Variants in RGS5 observed in about 807,000 individuals in gnomAD.
RGS5 encodes regulator of G-protein signalling 5.
Under a neutral mutation model 18.9 loss-of-function variants are expected in RGS5, and 20 were observed. The observed-to-expected ratio is 1.06, with a 90% CI of 0.74 to 1.54. The LOEUF (loss-of-function observed/expected upper bound fraction) is 1.54, where lower values mean the gene tolerates loss of function less well. Among genes scored for constraint, RGS5 ranks in the 40% most tolerant of loss-of-function variants. The pLI is 0.00. For synonymous variants in RGS5, 57 were observed against 76.2 expected, an observed-to-expected ratio of 0.75 and a Z score of 1.31; for missense variants, 201 against 211.8, an observed-to-expected ratio of 0.95 and a Z score of 0.32.
intron 1 of RGS5, among the ~76,000 whole-genome samples, chr1:163,195,910 G>A (rs570671439): frequency 1.1e-4 from 16 of 152,194 alleles, no homozygotes; most frequent in African/African-American, 3.9e-4. Context: ...AGTTCAGAGA[G>A]GTTTGGTGAC....
intron 2 of RGS5, chr1:163,248,432 A>G (rs1353227099): frequency 6.6e-6 from 1 of 152,202 alleles, no homozygotes; most frequent in Non-Finnish European, 1.5e-5. Flanking sequence ...ATCCTCTTAT[A>G]AGCCTAAGGG....
chr1:163,261,187 T>C (rs1571325623), intron 2 of RGS5, among the ~76,000 whole-genome samples: 1 of 152,228 alleles, frequency 6.6e-6, no homozygotes, highest in South Asian at 2.1e-4. Context: ...CTAAGATTAG[T>C]TGGGGAGCTT....
intron 1 of RGS5, among the ~76,000 whole-genome samples, chr1:163,184,430 T>C (rs886770573): frequency 6.8e-6 from 1 of 147,362 alleles, no homozygotes; most frequent in Non-Finnish European, 1.5e-5. Flanking sequence ...AAGAACAATG[T>C]CTGTTAAATG....
intron 2 of RGS5, among the ~76,000 whole-genome samples, chr1:163,231,754 T>TAAAA (rs59080668): frequency 0.21 from 28,329 of 132,876 alleles, 3,125 homozygotes; most frequent in African/African-American, 0.3. Flanking sequence ...GTGGTAAAAT[T>TAAAA]AAAAAAAAAA....
chr1:163,150,910 T>C (rs1657346124), intron 4 of RGS5, among the ~76,000 whole-genome samples: 1 of 151,540 alleles, frequency 6.6e-6, no homozygotes, highest in African/African-American at 2.4e-5. Flanking sequence ...TATTTGGGAG[T>C]TTTTCTCTCT....
chr1:163,248,093 T>C (rs1158328404), intron 2 of RGS5, among the ~76,000 whole-genome samples: 3 of 152,194 alleles, frequency 2.0e-5, no homozygotes, highest in African/African-American at 4.8e-5. Flanking sequence ...TCACCCTTAT[T>C]ACCACCCTTA....
At chr1:163,151,833 T>C (rs1168697145) in intron 4 of RGS5, among the ~76,000 whole-genome samples, 2 of 152,128 alleles carry the variant, frequency 1.3e-5, no homozygotes, top group African/African-American at 2.4e-5. Flanking sequence ...ACATCACTTA[T>C]CTGGAATGCT....
intron 2 of RGS5, chr1:163,238,872 G>A (rs1272415541): frequency 3.0e-5 from 5 of 167,782 alleles, no homozygotes; most frequent in African/African-American, 1.2e-4. Context: ...TGGATTTGAG[G>A]TCGAAGACTG....
intron 1 of RGS5, chr1:163,211,072 G>T (rs1302929313): frequency 6.6e-6 from 1 of 152,190 alleles, no homozygotes; most frequent in Non-Finnish European, 1.5e-5. Flanking sequence ...TTTGATTCAG[G>T]TTTATCTAAG....
At chr1:163,254,156 G>T (rs1185270809) in intron 2 of RGS5, among the ~76,000 whole-genome samples, 2 of 149,824 alleles carry the variant, frequency 1.3e-5, no homozygotes, top group Non-Finnish European at 3.0e-5. Context: ...AGTCCTTTGG[G>T]TATATACCCA....
chr1:163,155,126 A>C (rs983629225), intron 3 of RGS5, among the ~76,000 whole-genome samples: 8 of 152,118 alleles, frequency 5.3e-5, no homozygotes, highest in Admixed American at 5.2e-4. Flanking sequence ...CTGGAGGCAA[A>C]AATAATTCCA....
chr1:163,192,197 C>A (rs1405874143), intron 1 of RGS5, among the ~76,000 whole-genome samples: 2 of 152,272 alleles, frequency 1.3e-5, no homozygotes, highest in African/African-American at 4.8e-5. Context: ...GAAGGGATTA[C>A]AGGAAACCCC....
chr1:163,255,481 C>T (rs548996018), intron 2 of RGS5, among the ~76,000 whole-genome samples: 234 of 152,084 alleles, frequency 1.5e-3, no homozygotes, highest in African/African-American at 5.3e-3. Context: ...AGCTTACCAA[C>T]CAAAAAGAGT....
intron 2 of RGS5, among the ~76,000 whole-genome samples, chr1:163,278,454 A>G (rs1370871531): frequency 6.6e-6 from 1 of 152,150 alleles, no homozygotes; most frequent in Non-Finnish European, 1.5e-5. Context: ...TAGACTGGCC[A>G]CTAAAAATGC....
intron 1 of RGS5, among the ~76,000 whole-genome samples, chr1:163,310,618 A>C (rs946628716): frequency 1.3e-5 from 2 of 151,394 alleles, no homozygotes; most frequent in African/African-American, 4.9e-5. Flanking sequence ...ATCTTCTTTC[A>C]AAAGAAGGTG....
intron 2 of RGS5, among the ~76,000 whole-genome samples, chr1:163,263,023 T>C (rs1048189979): frequency 6.6e-6 from 1 of 152,180 alleles, no homozygotes; most frequent in Non-Finnish European, 1.5e-5. Flanking sequence ...CTAAGTCTGC[T>C]TCCTACCCAC....
At chr1:163,296,830 A>C (rs1427133148) in intron 2 of RGS5, among the ~76,000 whole-genome samples, 1 of 152,158 alleles carries the variant, frequency 6.6e-6, no homozygotes, top group Non-Finnish European at 1.5e-5. Context: ...TGCCACCCTA[A>C]ATCTTTGACA....
chr1:163,169,438 A>G (rs1384398296), intron 1 of RGS5, among the ~76,000 whole-genome samples: 2 of 152,180 alleles, frequency 1.3e-5, no homozygotes, highest in Non-Finnish European at 2.9e-5. Flanking sequence ...GAATCGCCAC[A>G]CTGACTTCCA....
chr1:163,290,353 A>G (rs1005655573), intron 2 of RGS5, among the ~76,000 whole-genome samples: 11 of 152,186 alleles, frequency 7.2e-5, no homozygotes, highest in Non-Finnish European at 1.5e-4. Flanking sequence ...AACCTTGGGT[A>G]TTACCCCACA....
Sources: allele counts gnomAD v4.1 joint callset (sites outside exome capture counted in the v4.1 genomes callset), GRCh38; gene constraint gnomAD v4.1.1; transcripts MANE v1.5; gene names NCBI Gene and HGNC (gene_info 2026-07-23, HGNC 2026-07-21).